Variants in ADGRV1 observed in about 807,000 individuals in gnomAD.
ADGRV1 encodes the protein G-protein coupled receptor 98.
In ADGRV1, 359 loss-of-function variants were observed where a neutral mutation model predicts 596.2. The observed-to-expected ratio is 0.60, with a 90% CI of 0.55 to 0.66. The LOEUF is 0.66. Ranked by LOEUF, ADGRV1 falls within the 30% of genes least tolerant of loss-of-function variation. The probability of loss-of-function intolerance (pLI) is 0.00; values close to 1 mark genes in which losing one functional copy is unlikely to be tolerated. For missense variants in ADGRV1, 7,274 were observed against 7,575.6 expected (o/e 0.96, Z 1.48); for synonymous variants, 2,681 against 2,679.2 (o/e 1.00, Z -0.02).
intron 87 of ADGRV1, among the ~76,000 whole-genome samples, chr5:91,142,415 A>G (rs1296168013): frequency 6.6e-6 from 1 of 152,184 alleles, no homozygotes; most frequent in South Asian, 2.1e-4. Flanking sequence ...TGGAGATTTC[A>G]TTCCTCTGAG....
intron 85 of ADGRV1, among the ~76,000 whole-genome samples, chr5:91,039,901 C>T (rs1562127614): frequency 6.6e-6 from 1 of 152,018 alleles, no homozygotes; most frequent in Non-Finnish European, 1.5e-5. Flanking sequence ...TTTAATTTGG[C>T]TATTTTACTA....
intron 77 of ADGRV1, among the ~76,000 whole-genome samples, chr5:90,834,594 G>A (rs945179661): frequency 6.6e-6 from 1 of 151,892 alleles, no homozygotes; most frequent in Non-Finnish European, 1.5e-5. Flanking sequence ...TAACCTTTGG[G>A]AGTTTGATTA....
intron 21 of ADGRV1, among the ~76,000 whole-genome samples, chr5:90,660,445 C>G (rs1360979048): frequency 6.6e-6 from 1 of 152,166 alleles, no homozygotes; most frequent in Non-Finnish European, 1.5e-5. Context: ...TTTATGATCA[C>G]TTGCTTCATT....
intron 50 of ADGRV1, among the ~76,000 whole-genome samples, chr5:90,744,397 G>T (rs1358514414): frequency 1.3e-5 from 2 of 151,708 alleles, no homozygotes; most frequent in African/African-American, 2.4e-5. Context: ...TTAACTTGAA[G>T]AATTTATCAA....
rs114000462 is a variant in ADGRV1 at position 90,828,102 on chromosome 5, T to C, written c.16369-842T>C. Among the ~76,000 whole-genome samples the C allele has an allele frequency of 5.2e-3, 796 of 152,290 alleles. 1 individual carries two copies. The highest frequency in any genetic ancestry group is 9.0e-3 in the Non-Finnish European group (613 of 68,022). ...AAAACAGGTGATTGCCAATATGTTA[T>C]AAAATTGAATTCAGGCTTTAGAAAA... is the stretch of plus-strand genomic sequence containing the variant. On this transcript the variant is annotated intron_variant, in intron 76 of 89. Coordinates refer to ENST00000405460, the MANE Select transcript of ADGRV1 (RefSeq NM_032119.4).
At chr5:90,930,380 G>A (rs558508715) in intron 83 of ADGRV1, among the ~76,000 whole-genome samples, 14 of 152,208 alleles carry the variant, frequency 9.2e-5, no homozygotes, top group Admixed American at 5.9e-4. Context: ...AAAAAAATAC[G>A]TATTTTTATT....
chr5:90,993,509 C>T (rs989953834), intron 85 of ADGRV1, among the ~76,000 whole-genome samples: 1 of 152,088 alleles, frequency 6.6e-6, no homozygotes, highest in African/African-American at 2.4e-5. Context: ...TAACTCCAAA[C>T]TTGTCTAATG....
At position 90,748,813 on chromosome 5, in the gene ADGRV1, G is replaced by GTTTTT. The variant is rs10700327; in HGVS notation, c.10975-1733_10975-1729dup. Among the ~76,000 whole-genome samples the GTTTTT allele has an allele frequency of 2.1e-3, 298 of 142,314 alleles. 8 individuals carry two copies. The highest frequency in any genetic ancestry group is 7.2e-3 in the African/African-American group (264 of 36,706). 93.4% of individuals were successfully genotyped at this position (142,314 alleles called of 152,430 possible). ...AATTGCCTAGTTTGTCTATCATCAA[G>GTTTTT]TTTTTTTTTGTTTTTTTTTTAACTA... is the stretch of plus-strand genomic sequence containing the variant. On this transcript the variant is annotated intron_variant, in intron 52 of 89. Transcript: ENST00000405460.
chr5:91,010,130 C>T (rs953141437), intron 85 of ADGRV1, among the ~76,000 whole-genome samples: 1 of 151,870 alleles, frequency 6.6e-6, no homozygotes, highest in African/African-American at 2.4e-5. Flanking sequence ...AAAAACTGGC[C>T]GGGTTAGGAA....
rs192150780 is a variant in ADGRV1 at position 90,745,201 on chromosome 5, G to A, written c.10705G>A (p.Val3569Met). The change falls in exon 51 of 90, where the codon GTG (valine) becomes ATG (methionine). Residue 3569 changes from valine to methionine, a missense_variant. Transcript: ENST00000405460. ...LNSSKNLIAL[V>M]GAHSHIYELA... ...TTCAAGCAAGAATTTAATAGCTCTA[G>A]TGGGAGCTCATTCACATATATATGA... 1.9e-6 allele frequency: 3 copies of A among 1,612,212 alleles called. No individual in the cohort carries two copies. The East Asian group carries it at 6.7e-5, about 36-fold the overall frequency.
At chr5:90,991,227 T>C (rs1036563657) in intron 85 of ADGRV1, among the ~76,000 whole-genome samples, 3 of 152,168 alleles carry the variant, frequency 2.0e-5, no homozygotes, top group East Asian at 1.9e-4. Context: ...ATAAAGATGA[T>C]AGGTTGTTTT....
chr5:90,836,684 A>T (rs1246019060), intron 77 of ADGRV1, among the ~76,000 whole-genome samples: 1 of 152,184 alleles, frequency 6.6e-6, no homozygotes, highest in Non-Finnish European at 1.5e-5. Flanking sequence ...CCTGGTTGTA[A>T]TATTATATTA....
At position 90,799,611 on chromosome 5, in the gene ADGRV1, G is replaced by A. The variant is rs150941125; in HGVS notation, c.14518-3128G>A. ...TTCATATGGAACCAAAAAAGAGCCCGCATTGCCAAGACAATCCTAAGCAGA... is the reference window on the plus strand; with the variant it reads ...TTCATATGGAACCAAAAAAGAGCCCACATTGCCAAGACAATCCTAAGCAGA... On this transcript the variant is annotated intron_variant, in intron 70 of 89. Transcript: ENST00000405460. Among the ~76,000 whole-genome samples, 1,152 of 152,146 alleles carry A rather than the reference G, an allele frequency of 7.6e-3. 4 individuals are homozygous for A. The highest frequency in any genetic ancestry group is 0.012 in the Non-Finnish European group (792 of 67,992).
intron 86 of ADGRV1, among the ~76,000 whole-genome samples, chr5:91,076,797 A>G (rs1439521277): frequency 1.3e-5 from 2 of 151,800 alleles, no homozygotes; most frequent in Non-Finnish European, 2.9e-5. Context: ...ACTCACCTCT[A>G]CTTGAATATG....
At chr5:90,755,326 C>A in intron 55 of ADGRV1, 141 bp downstream of exon 55, 1 of 579,600 alleles carries the variant, frequency 1.7e-6, no homozygotes, top group Non-Finnish European at 3.0e-6. Context: ...CTACTGTTGC[C>A]ACCCACCTAA....
chr5:91,036,430 C>T (rs573422403), intron 85 of ADGRV1, among the ~76,000 whole-genome samples: 2 of 151,936 alleles, frequency 1.3e-5, no homozygotes, highest in African/African-American at 2.4e-5. Flanking sequence ...GGCGTGGTGG[C>T]GGGCACCTGT....
At chr5:90,559,063 C>G in intron 1 of ADGRV1, 146 bp downstream of exon 1, 3 of 587,642 alleles carry the variant, frequency 5.1e-6, no homozygotes, top group South Asian at 3.6e-5. Flanking sequence ...GGCGCGCACC[C>G]GGCGCCGCGG....
rs1466638739 is a variant in ADGRV1, at chr5:90,724,950, T to C, written c.9867T>C (p.Val3289=). Residue 3289 remains valine (V), a synonymous_variant, in exon 46 of 90, where the codon GTT becomes GTC. Coordinates refer to ENST00000405460, the MANE Select transcript of ADGRV1 (RefSeq NM_032119.4). ...GTATAATGTTAAGAAAATCATCTGT[T>C]ACTGTTTACCGATGGCAGGGGATTT... The part of the protein sequence containing the change: ...IYGIMLRKSS[V]TVYRWQGIFI... 8 of 1,607,676 alleles carry C rather than the reference T, an allele frequency of 5.0e-6. No individual in the cohort carries two copies. The highest frequency in any genetic ancestry group is 6.8e-6 in the Non-Finnish European group (8 of 1,176,916).
chr5:90,902,955 G>A lies in ADGRV1; in HGVS notation c.17856+39098G>A, dbSNP rs1415447229. Among the ~76,000 whole-genome samples the A allele has an allele frequency of 2.0e-5, 3 of 152,188 alleles. No individual in the cohort carries two copies. In the East Asian group the frequency reaches 5.8e-4, roughly 29 times the overall value. On this transcript the variant is annotated intron_variant, in intron 83 of 89. Coordinates refer to ENST00000405460, the MANE Select transcript of ADGRV1 (RefSeq NM_032119.4). The stretch of plus-strand genomic sequence containing the variant: ...TTGTGTTTGAAACTATTTCGAAAGG[G>A]ATGGAAAAATCCCTTATTTTAAGAA...
Sources: gnomAD v4.1 joint callset for allele counts (sites outside exome capture counted in the v4.1 genomes callset) on GRCh38, gnomAD v4.1.1 for gene constraint, MANE v1.5 for transcripts, NCBI Gene and HGNC (gene_info 2026-07-23, HGNC 2026-07-21) for gene names.